Variants in PRPF19 observed in about 807,000 individuals in gnomAD.
The protein encoded by PRPF19 is pre-mRNA-processing factor 19.
In PRPF19, 2 loss-of-function variants were observed where a neutral mutation model predicts 64.2. The observed-to-expected ratio is 0.03, with a 90% confidence interval of 0.01 to 0.10. The LOEUF (loss-of-function observed/expected upper bound fraction) is 0.10. Ranked by LOEUF, PRPF19 falls within the 10% of genes least tolerant of loss-of-function variation. The pLI is 1.00. For missense variants in PRPF19, 314 were observed against 650.0 expected, an observed-to-expected ratio of 0.48 and a Z score of 5.62; for synonymous variants, 226 against 251.6, an observed-to-expected ratio of 0.90 and a Z score of 0.96.
chr11:60,891,139 C>T lies in PRPF19; in HGVS notation c.*27G>A, dbSNP rs370148247. The T allele has an allele frequency of 9.2e-6, 12 of 1,300,792 alleles. No homozygotes were observed. Among genetic ancestry groups the T allele is most frequent in the African/African-American group, 1.6e-5 (1 of 64,182 alleles). 80.6% of individuals were successfully genotyped at this position (1,300,792 alleles called of 1,614,324 possible). A position where few individuals can be genotyped will look rare whatever the true frequency, so the allele number is the denominator to read the frequency against. On this transcript the variant is annotated 3_prime_UTR_variant, in exon 16 of 16. Coordinates refer to ENST00000227524, the MANE Select transcript of PRPF19 (RefSeq NM_014502.5). ...ATTCTACCCCTCTACTGAGATGAGG[C>T]CCAGCTTCCATCAGAAGGGCCAGGG...
intron 15 of PRPF19, among the ~76,000 whole-genome samples, chr11:60,893,196 T>C (rs2134856017): frequency 6.6e-6 from 1 of 152,314 alleles, no homozygotes; most frequent in South Asian, 2.1e-4. Flanking sequence ...GCCAGTTGTA[T>C]AAAAGTATAA....
In PRPF19 at chr11:60,898,024, G is replaced by A; in HGVS notation, c.1312-73C>T. 4 of 1,607,140 alleles carry A rather than the reference G, an allele frequency of 2.5e-6. No homozygotes were observed. The highest frequency in any genetic ancestry group is 3.4e-6 in the Non-Finnish European group (4 of 1,175,154). The stretch of plus-strand genomic sequence containing the variant: ...ATGGGGCAGTTGCGGATAAGCAGAA[G>A]CAATTAGATTAATTCAATAAATAAT... On this transcript the variant is annotated intron_variant, in intron 14 of 15. Transcript: ENST00000227524. The surrounding 1 kb of genome is among the most constrained non-coding windows in gnomAD (Gnocchi z 4.6).
At chr11:60,903,922 C>T (rs1856014164) in intron 1 of PRPF19, 61 bp from the exon 2 acceptor site, 1 of 1,569,956 alleles carries the variant, frequency 6.4e-7, no homozygotes, top group Non-Finnish European at 8.6e-7. Context: ...TAGAGGATTC[C>T]TCATCTGCTA....
chr11:60,902,692 C>T lies in PRPF19; in HGVS notation c.389-36G>A. The T allele has an allele frequency of 1.2e-6, 2 of 1,614,178 alleles. No homozygotes were observed. Among genetic ancestry groups the T allele is most frequent in the South Asian group, 1.1e-5 (1 of 91,080 alleles). The stretch of plus-strand genomic sequence containing the variant: ...AGACGATGTTAGAAATGGGATATTA[C>T]AATGCAGAACCAGCCCAGGGTGGGG... On this transcript the variant is annotated intron_variant, in intron 4 of 15. Transcript: ENST00000227524. The surrounding 1 kb of genome is among the most constrained non-coding windows in gnomAD (Gnocchi z 5.0).
intron 2 of PRPF19, 46 bp from the exon 3 acceptor site, chr11:60,903,581 C>A (rs1283220408): frequency 1.2e-6 from 2 of 1,602,974 alleles, no homozygotes; most frequent in Non-Finnish European, 1.7e-6. Context: ...CCAGGGGCCT[C>A]CCCCGCCATC....
chr11:60,901,443 G>A (rs1413543344), intron 7 of PRPF19, 56 bp downstream of exon 7: 7 of 1,613,794 alleles, frequency 4.3e-6, no homozygotes, highest in Non-Finnish European at 5.9e-6. Flanking sequence ...CTCCTAAGGA[G>A]TCAACCGCCT....
intron 11 of PRPF19, 42 bp downstream of exon 11, chr11:60,899,107 G>C (rs1052891859): frequency 6.3e-7 from 1 of 1,581,406 alleles, no homozygotes; most frequent in Non-Finnish European, 8.6e-7. Context: ...GTTCAAGCTT[G>C]GGGACCAGCA....
Position 60,900,846 on chromosome 11 carries a change from ACT to A in PRPF19, c.718+6_718+7del, listed in dbSNP as rs1339113826. ...CTTTGGCCTGCCGGGCTAGGCCCAG[ACT>A]CTCACCAGTGAGGATCTTGTTGGTG... On this transcript the variant is annotated splice_donor_region_variant and intron_variant, in intron 9 of 15. Coordinates refer to ENST00000227524, the MANE Select transcript of PRPF19 (RefSeq NM_014502.5). The A allele has an allele frequency of 1.9e-6, 3 of 1,613,858 alleles. No individual in the cohort carries two copies. The highest frequency in any genetic ancestry group is 1.6e-4 in the Middle Eastern group (1 of 6,084).
At chr11:60,905,971 T>G (rs1276132724) in intron 1 of PRPF19, among the ~76,000 whole-genome samples, 5 of 152,228 alleles carry the variant, frequency 3.3e-5, no homozygotes, top group Admixed American at 6.5e-5. Context: ...ATTTTGCAGA[T>G]GGGGAAACCG....
intron 10 of PRPF19, among the ~76,000 whole-genome samples, chr11:60,900,014 C>G (rs905594993): frequency 3.3e-5 from 5 of 152,084 alleles, no homozygotes; most frequent in Non-Finnish European, 1.5e-5. Flanking sequence ...CCCTAAGGTC[C>G]AAGGGAAATC....
intron 10 of PRPF19, among the ~76,000 whole-genome samples, chr11:60,900,043 A>G (rs1855964938): frequency 6.6e-6 from 1 of 152,184 alleles, no homozygotes; most frequent in Admixed American, 6.5e-5. Context: ...GAAGCACTAA[A>G]CCAACCATGT....
At chr11:60,901,622 C>T in intron 6 of PRPF19, 82 bp from the exon 7 acceptor site, 1 of 1,517,550 alleles carries the variant, frequency 6.6e-7, no homozygotes, top group Non-Finnish European at 9.0e-7. Context: ...CCTGTGCTTT[C>T]AAAAGCAGCA....
intron 9 of PRPF19, 23 bp downstream of exon 9, chr11:60,900,831 C>A: frequency 6.2e-7 from 1 of 1,614,000 alleles, no homozygotes; most frequent in South Asian, 1.1e-5. Context: ...CTTTGGCCTG[C>A]CGGGCTAGGC....
chr11:60,898,388 C>G lies in PRPF19; in HGVS notation c.1141-117G>C. On this transcript the variant is annotated intron_variant, in intron 13 of 15. Coordinates refer to ENST00000227524, the MANE Select transcript of PRPF19 (RefSeq NM_014502.5). This position sits in a 1 kb window ranked among gnomAD's most constrained non-coding sequence, Gnocchi z 4.6. ...ACGTCCTTCCAGGAAGGACAGCCAG[C>G]GGGACCCCCCAGACCACACCATCAT... The G allele has an allele frequency of 1.3e-6, 2 of 1,506,864 alleles. No homozygotes were observed. Among genetic ancestry groups the G allele is most frequent in the Non-Finnish European group, 1.8e-6 (2 of 1,117,966 alleles). 93.3% of individuals were successfully genotyped at this position (1,506,864 alleles called of 1,614,324 possible). A position where few individuals can be genotyped will look rare whatever the true frequency, so the allele number is the denominator to read the frequency against.
intron 15 of PRPF19, among the ~76,000 whole-genome samples, chr11:60,893,257 C>A (rs543949724): frequency 6.6e-6 from 1 of 151,680 alleles, no homozygotes. Context: ...TTTGGGAGGC[C>A]GAGGTGGGCA....
At chr11:60,901,477 A>C in intron 7 of PRPF19, 22 bp downstream of exon 7, 1 of 1,614,200 alleles carries the variant, frequency 6.2e-7, no homozygotes, top group Non-Finnish European at 8.5e-7. Context: ...CTCTTTCTCC[A>C]GGCTTCAGAA....
intron 6 of PRPF19, 99 bp from the exon 7 acceptor site, chr11:60,901,639 A>AGTTGGCAGATAGCAAGTT: frequency 7.2e-7 from 1 of 1,391,658 alleles, no homozygotes; most frequent in Non-Finnish European, 1.0e-6. Context: ...AGCACCAAGA[A>AGTTGGCAGATAGCAAGTT]CTTGCTATCT....
chr11:60,901,047 TC>T (rs1345290371), intron 8 of PRPF19, 118 bp from the exon 9 acceptor site: 1 of 1,201,996 alleles, frequency 8.3e-7, no homozygotes, highest in Admixed American at 1.9e-5. Flanking sequence ...AAGAGTTACT[TC>T]TATTCCTTAT....
At chr11:60,901,452 C>T (rs1243441221) in intron 7 of PRPF19, 47 bp downstream of exon 7, 1 of 1,614,016 alleles carries the variant, frequency 6.2e-7, no homozygotes, top group African/African-American at 1.3e-5. Context: ...AGTCAACCGC[C>T]TCCCACCAGG....
Sources: allele counts gnomAD v4.1 joint callset (sites outside exome capture counted in the v4.1 genomes callset), GRCh38; gene constraint gnomAD v4.1.1; non-coding constraint Gnocchi (gnomAD v3.1); transcripts MANE v1.5; gene names NCBI Gene and HGNC (gene_info 2026-07-23, HGNC 2026-07-21).